The following HMCN1 variants were observed in gnomAD, a reference collection of about 807,000 sequenced individuals.
The protein encoded by HMCN1 is hemicentin 1, also known as hemicentin-1.
HMCN1 carries 321 observed loss-of-function variants against 625.9 expected under a neutral mutation model. That is an observed-to-expected ratio of 0.51 (90% confidence interval 0.47 to 0.56). HMCN1 has a LOEUF of 0.56. HMCN1 is among the 20% of genes least tolerant of loss of function. The pLI is 0.00. For synonymous variants in HMCN1, 2,425 were observed against 2,417.6 expected (o/e 1.00, Z -0.09); for missense variants, 6,588 against 6,887.3 (o/e 0.96, Z 1.54).
At position 186,003,853 on chromosome 1, in the gene HMCN1, C is replaced by T; in HGVS notation, c.4475+9C>T. On this transcript the variant is annotated intron_variant, in intron 29 of 106. Transcript: ENST00000271588. Reference sequence around the variant, plus strand: ...TGGTTCAAAGATGGCAAGTGAGTATCTTTTCTGTATTTGTTGCAAGGTTTC... The same window carrying T: ...TGGTTCAAAGATGGCAAGTGAGTATTTTTTCTGTATTTGTTGCAAGGTTTC... The T allele has an allele frequency of 6.2e-7, 1 of 1,612,688 alleles. No individual in the cohort carries two copies. The highest frequency in any genetic ancestry group is 8.5e-7 in the Non-Finnish European group (1 of 1,178,972).
At chr1:186,108,638 G>A (rs1395494326) in intron 71 of HMCN1, 41 bp downstream of exon 71, 1 of 1,611,700 alleles carries the variant, frequency 6.2e-7, no homozygotes, top group Non-Finnish European at 8.5e-7. Context: ...TTTTTGAGAT[G>A]AAAAAAGTAA....
intron 36 of HMCN1, among the ~76,000 whole-genome samples, chr1:186,032,965 C>G (rs1469446098): frequency 6.6e-6 from 1 of 152,018 alleles, no homozygotes; most frequent in Non-Finnish European, 1.5e-5. Flanking sequence ...CATGCACATG[C>G]ATGTTTACAA....
At chr1:185,940,349 T>C (rs1668019421) in intron 11 of HMCN1, among the ~76,000 whole-genome samples, 2 of 151,750 alleles carry the variant, frequency 1.3e-5, no homozygotes, top group African/African-American at 2.4e-5. Context: ...TTCTTTGTCA[T>C]GTTCCATTTC....
intron 93 of HMCN1, among the ~76,000 whole-genome samples, chr1:186,146,513 C>A (rs1300027103): frequency 1.3e-5 from 2 of 152,056 alleles, no homozygotes; most frequent in Admixed American, 1.3e-4. Flanking sequence ...TGTAAGAAGA[C>A]CAACAATAAC....
chr1:185,772,901 G>A (rs1656342748), intron 1 of HMCN1, among the ~76,000 whole-genome samples: 1 of 152,122 alleles, frequency 6.6e-6, no homozygotes. Flanking sequence ...CGTGGCAGAA[G>A]AGCAAAAGAG....
At position 186,082,865 on chromosome 1, in the gene HMCN1, A is replaced by T. The variant is rs755570610; in HGVS notation, c.8788A>T (p.Ile2930Phe). The T allele has an allele frequency of 1.3e-6, 2 of 1,566,496 alleles. No homozygotes were observed. The highest frequency in any genetic ancestry group is 3.5e-5 in the Admixed American group (2 of 57,522). ...KFLSNGRILQ[I>F]LNTQITDIGR... ...TGGAATTTCTTCATTTTTCCCTTAG[A>T]TTCTGAATACTCAAATAACAGATAT... Residue 2930 changes from isoleucine (I) to phenylalanine (F), a missense_variant and splice_region_variant, in exon 57 of 107, where the codon ATT (isoleucine) becomes TTT (phenylalanine). By Grantham distance (21) the Ile-to-Phe change is conservative (BLOSUM62 0). Coordinates refer to ENST00000271588, the MANE Select transcript of HMCN1 (RefSeq NM_031935.3).
intron 71 of HMCN1, among the ~76,000 whole-genome samples, chr1:186,111,276 C>T (rs1214764964): frequency 3.9e-5 from 6 of 151,972 alleles, no homozygotes; most frequent in Admixed American, 2.0e-4. Context: ...CCACCGCGCC[C>T]GGCCAAAACC....
intron 10 of HMCN1, among the ~76,000 whole-genome samples, chr1:185,932,181 A>G (rs1320753068): frequency 6.6e-6 from 1 of 152,196 alleles, no homozygotes; most frequent in Non-Finnish European, 1.5e-5. Context: ...CTATTTTCAT[A>G]AGATATTTTT....
At chr1:186,045,261 T>C (rs560228071) in intron 40 of HMCN1, among the ~76,000 whole-genome samples, 1 of 152,308 alleles carries the variant, frequency 6.6e-6, no homozygotes, top group Non-Finnish European at 1.5e-5. Flanking sequence ...TCTCCAACTA[T>C]TTTTTAATGT....
chr1:186,189,881 AAC>A lies in HMCN1; in HGVS notation c.*4_*5del, dbSNP rs1309057643. The A allele has an allele frequency of 1.2e-6, 2 of 1,613,264 alleles. No individual in the cohort carries two copies. The highest frequency in any genetic ancestry group is 3.3e-5 in the Admixed American group (2 of 59,998). ...CTGTGTCCGCCTATCCATACTAAGGAACTCTCCAAAGCCTATTCCACATATTT... is the reference window on the plus strand; with the variant it reads ...CTGTGTCCGCCTATCCATACTAAGGATCTCCAAAGCCTATTCCACATATTT... On this transcript the variant is annotated 3_prime_UTR_variant, in exon 107 of 107. Coordinates refer to ENST00000271588, the MANE Select transcript of HMCN1 (RefSeq NM_031935.3).
chr1:186,054,171 G>A (rs770511402), intron 44 of HMCN1, among the ~76,000 whole-genome samples, 185 bp downstream of exon 44: 2 of 151,936 alleles, frequency 1.3e-5, no homozygotes, highest in African/African-American at 2.4e-5. Flanking sequence ...GCTGTTATTC[G>A]GCATTACAGC....
chr1:186,161,789 C>A (rs549350582), intron 97 of HMCN1, among the ~76,000 whole-genome samples: 2 of 152,126 alleles, frequency 1.3e-5, no homozygotes, highest in East Asian at 3.9e-4. Context: ...CTGAGAGATC[C>A]GCTGTTAGTC....
At chr1:185,846,427 A>G (rs1357048515) in intron 2 of HMCN1, among the ~76,000 whole-genome samples, 1 of 152,212 alleles carries the variant, frequency 6.6e-6, no homozygotes, top group Non-Finnish European at 1.5e-5. Flanking sequence ...GCTTAGAAAT[A>G]TAAGGAACGG....
intron 52 of HMCN1, 100 bp downstream of exon 52, chr1:186,070,857 A>T: frequency 8.1e-7 from 1 of 1,238,996 alleles, no homozygotes; most frequent in South Asian, 1.2e-5. Context: ...CAGAGAATCA[A>T]TGTGATCTTA....
chr1:185,835,602 T>C (rs1661117588), intron 1 of HMCN1, among the ~76,000 whole-genome samples: 1 of 152,108 alleles, frequency 6.6e-6, no homozygotes, highest in African/African-American at 2.4e-5. Flanking sequence ...AAATCTAGGA[T>C]GCTTTTAGTT....
intron 103 of HMCN1, among the ~76,000 whole-genome samples, 183 bp downstream of exon 103, chr1:186,174,825 A>G (rs1199249626): frequency 1.3e-5 from 2 of 152,172 alleles, no homozygotes; most frequent in African/African-American, 4.8e-5. Context: ...TATTGAGCTC[A>G]ATTTACACTG....
chr1:186,138,826 G>T (rs1005382548), intron 89 of HMCN1, among the ~76,000 whole-genome samples: 3 of 152,204 alleles, frequency 2.0e-5, no homozygotes, highest in Admixed American at 6.5e-5. Flanking sequence ...GCCATCTTGG[G>T]TGAACTGTCT....
intron 10 of HMCN1, among the ~76,000 whole-genome samples, chr1:185,928,934 T>C (rs1257496754): frequency 6.6e-6 from 1 of 152,042 alleles, no homozygotes; most frequent in Non-Finnish European, 1.5e-5. Flanking sequence ...ATGGGGAAAC[T>C]GTGAGGATTA....
chr1:185,865,582 T>TACACACAC lies in HMCN1; in HGVS notation c.499-117_499-110dup, dbSNP rs56891910. On this transcript the variant is annotated intron_variant, in intron 3 of 106. Transcript: ENST00000271588. ...TATAAAGTCAATAATTATATAAGCA[T>TACACACAC]ACACACACACACACACACACACACA... Among the ~76,000 whole-genome samples, 304 of 135,266 alleles carry TACACACAC rather than the reference T, an allele frequency of 2.2e-3. 1 individual carries two copies. Among genetic ancestry groups the TACACACAC allele is most frequent in the Middle Eastern group, 7.7e-3 (2 of 260 alleles). 88.7% of individuals were successfully genotyped at this position (135,266 alleles called of 152,430 possible). A position where few individuals can be genotyped will look rare whatever the true frequency, so the allele number is the denominator to read the frequency against.
Sources: allele counts gnomAD v4.1 joint callset (sites outside exome capture counted in the v4.1 genomes callset), GRCh38; gene constraint gnomAD v4.1.1; transcripts MANE v1.5; gene names NCBI Gene and HGNC (gene_info 2026-07-23, HGNC 2026-07-21).